Variants in MAP2 observed in about 807,000 individuals in gnomAD.
MAP2 encodes the protein microtubule associated protein 2.
In MAP2, 14 loss-of-function variants were observed where a neutral mutation model predicts 137.6. That is an observed-to-expected ratio of 0.10 (90% CI 0.07 to 0.16). The LOEUF is 0.16. Among genes scored for constraint, MAP2 ranks in the 10% least tolerant of loss-of-function variants. The probability of loss-of-function intolerance (pLI) is 1.00; values close to 1 mark genes in which losing one functional copy is unlikely to be tolerated. For missense variants in MAP2, 2,088 were observed against 2,191.5 expected (o/e 0.95, Z 0.94); for synonymous variants, 786 against 782.3 (o/e 1.00, Z -0.08).
chr2:209,724,172 A>G (rs2072814605), intron 13 of MAP2, among the ~76,000 whole-genome samples: 1 of 152,238 alleles, frequency 6.6e-6, no homozygotes, highest in Non-Finnish European at 1.5e-5. Context: ...ATCATTTAGA[A>G]TAATACAAAA....
chr2:209,540,970 C>T (rs2066923617), intron 2 of MAP2, among the ~76,000 whole-genome samples: 1 of 150,904 alleles, frequency 6.6e-6, no homozygotes, highest in Non-Finnish European at 1.5e-5. Context: ...ATTAAGTGTG[C>T]AATAGTATGT....
chr2:209,697,845 G>C (rs943424555), intron 10 of MAP2, among the ~76,000 whole-genome samples: 2 of 152,000 alleles, frequency 1.3e-5, no homozygotes, highest in Non-Finnish European at 2.9e-5. Flanking sequence ...TTACTTTGCT[G>C]TCTACTTTTT....
Position 209,692,745 on chromosome 2 carries a change from T to C in MAP2, c.575T>C (p.Leu192Pro). 6.2e-7 allele frequency: 1 copy of C among 1,614,084 alleles called. No individual in the cohort carries two copies. Among genetic ancestry groups the C allele is most frequent in the South Asian group, 1.1e-5 (1 of 91,074 alleles). ...AAGCAAAGTAAGCCTGGTGAAGACC[T>C]TAAACATGCTGCCTTAGTTTCTCAG... ...SEKQSKPGED[L>P]KHAALVSQPE... Residue 192 changes from leucine (L) to proline (P), a missense_variant, in exon 8 of 16, where the codon CTT becomes CCT. By Grantham distance (98) the Leu-to-Pro change is moderately conservative. Coordinates refer to ENST00000682079, the MANE Select transcript of MAP2 (RefSeq NM_001375505.1).
intron 1 of MAP2, among the ~76,000 whole-genome samples, chr2:209,474,580 T>A (rs1382501298): frequency 1.3e-5 from 2 of 152,006 alleles, no homozygotes; most frequent in African/African-American, 4.8e-5. Context: ...AGTATTGTTA[T>A]AAGAAAGAAA....
chr2:209,548,582 A>G (rs1322973065), intron 2 of MAP2, among the ~76,000 whole-genome samples: 1 of 152,218 alleles, frequency 6.6e-6, no homozygotes, highest in Non-Finnish European at 1.5e-5. Flanking sequence ...CAATGATACC[A>G]TAAGAGACTA....
At chr2:209,716,283 A>G (rs1410213622) in intron 13 of MAP2, among the ~76,000 whole-genome samples, 1 of 152,236 alleles carries the variant, frequency 6.6e-6, no homozygotes, top group Non-Finnish European at 1.5e-5. Flanking sequence ...TAGGTGCTCA[A>G]TAAATATGCA....
At chr2:209,448,595 G>C (rs1193024783) in intron 1 of MAP2, among the ~76,000 whole-genome samples, 3 of 152,106 alleles carry the variant, frequency 2.0e-5, no homozygotes, top group Non-Finnish European at 4.4e-5. Context: ...TCCCTATAGA[G>C]GTTCCAGGGA....
At chr2:209,676,089 A>T (rs1377432113) in intron 5 of MAP2, among the ~76,000 whole-genome samples, 1 of 151,898 alleles carries the variant, frequency 6.6e-6, no homozygotes. Context: ...AAGCTTCAAG[A>T]GTTGTGCATT....
intron 1 of MAP2, among the ~76,000 whole-genome samples, chr2:209,479,097 A>C (rs1275393297): frequency 2.0e-5 from 3 of 152,194 alleles, no homozygotes; most frequent in African/African-American, 7.2e-5. Flanking sequence ...TCAAATTACA[A>C]AAGCAAGTGA....
rs190204553 is a variant in MAP2 at position 209,676,966 on chromosome 2, C to G, written c.263-1606C>G. ...TTGTAACATTATTAAACAATTTAGA[C>G]GTCTAAGCATGATCTTTACAGCTAA... On this transcript the variant is annotated intron_variant, in intron 5 of 15. Coordinates refer to ENST00000682079, the MANE Select transcript of MAP2 (RefSeq NM_001375505.1). Among the ~76,000 whole-genome samples, 1,201 of 151,394 alleles carry G rather than the reference C, an allele frequency of 7.9e-3. 17 individuals are homozygous for G. Among genetic ancestry groups the G allele is most frequent in the African/African-American group, 0.027 (1,119 of 41,288 alleles).
chr2:209,579,600 C>A (rs948826684), intron 2 of MAP2: 3 of 152,268 alleles, frequency 2.0e-5, no homozygotes, highest in Non-Finnish European at 2.9e-5. Context: ...GCTTCCCTTT[C>A]CCCGGCACAC....
chr2:209,647,397 A>G (rs1461445609), intron 4 of MAP2, among the ~76,000 whole-genome samples: 1 of 152,220 alleles, frequency 6.6e-6, no homozygotes, highest in Non-Finnish European at 1.5e-5. Context: ...TTAAACATGT[A>G]AGCATTAAGT....
intron 5 of MAP2, among the ~76,000 whole-genome samples, chr2:209,660,385 ATTTTTTTTT>A (rs869139522): frequency 1.6e-5 from 1 of 64,210 alleles, no homozygotes; most frequent in Non-Finnish European, 2.8e-5. Flanking sequence ...TGTTGCTGCA[ATTTTTTTTT>A]TTTTTTTTTT....
chr2:209,569,599 C>G (rs1434244455), intron 2 of MAP2, among the ~76,000 whole-genome samples: 1 of 151,718 alleles, frequency 6.6e-6, no homozygotes, highest in African/African-American at 2.4e-5. Flanking sequence ...TCAGGTGAAG[C>G]CTGCTTGAGA....
intron 1 of MAP2, among the ~76,000 whole-genome samples, chr2:209,429,014 C>T (rs537121946): frequency 2.1e-4 from 32 of 152,048 alleles, no homozygotes; most frequent in Non-Finnish European, 2.8e-4. Context: ...AGTACAGTGG[C>T]GCCATCTCGG....
intron 5 of MAP2, among the ~76,000 whole-genome samples, chr2:209,658,935 T>A (rs918461613): frequency 2.0e-5 from 3 of 152,242 alleles, no homozygotes; most frequent in African/African-American, 4.8e-5. Context: ...GCTCTTCAGT[T>A]TATAAAGCAC....
chr2:209,650,814 A>G (rs2094739532), intron 4 of MAP2, among the ~76,000 whole-genome samples: 1 of 152,202 alleles, frequency 6.6e-6, no homozygotes, highest in Admixed American at 6.5e-5. Context: ...TCAAAAATGT[A>G]AAGCCTGTTA....
At chr2:209,688,093 C>T (rs1392775258) in intron 7 of MAP2, among the ~76,000 whole-genome samples, 1 of 152,042 alleles carries the variant, frequency 6.6e-6, no homozygotes, top group African/African-American at 2.4e-5. Context: ...AAGTGAAGTT[C>T]CTATATAAGT....
chr2:209,445,154 C>G (rs1452653798), intron 1 of MAP2, among the ~76,000 whole-genome samples: 1 of 151,588 alleles, frequency 6.6e-6, no homozygotes, highest in Non-Finnish European at 1.5e-5. Flanking sequence ...AGCTCCAAAG[C>G]GGCTTCCACA....
Sources: gnomAD v4.1 joint callset for allele counts (sites outside exome capture counted in the v4.1 genomes callset) on GRCh38, gnomAD v4.1.1 for gene constraint, MANE v1.5 for transcripts, NCBI Gene and HGNC (gene_info 2026-07-23, HGNC 2026-07-21) for gene names.